Variants in CLIC5 observed in about 807,000 individuals in gnomAD.
CLIC5 encodes CLIC family member 5, also known as chloride intracellular channel protein 5.
A neutral mutation model predicts 24.7 loss-of-function variants in CLIC5; 20 were observed. The ratio of observed to expected loss-of-function variants is 0.81; its 90% CI spans 0.57 to 1.18. CLIC5 has a LOEUF of 1.18. Among genes scored for constraint, CLIC5 ranks in the 50% most tolerant of loss-of-function variants. The pLI, the probability that CLIC5 is intolerant of heterozygous loss-of-function variation, is 0.00. For synonymous variants in CLIC5, 159 were observed against 135.6 expected (o/e 1.17, Z -1.20); for missense variants, 341 against 326.1 (o/e 1.05, Z -0.35).
intron 1 of CLIC5, among the ~76,000 whole-genome samples, chr6:45,972,792 G>A (rs1330117176): frequency 3.9e-5 from 6 of 152,174 alleles, no homozygotes; most frequent in African/African-American, 7.2e-5. Context: ...CTTTAAAACC[G>A]ATGCATTGGG....
intron 1 of CLIC5, among the ~76,000 whole-genome samples, chr6:46,009,999 C>A (rs952896572): frequency 7.0e-4 from 107 of 152,246 alleles, no homozygotes; most frequent in African/African-American, 2.5e-3. Flanking sequence ...GCAGTCAGAT[C>A]CAGTGGTGGT....
chr6:45,982,366 T>A (rs1294901477), intron 1 of CLIC5, among the ~76,000 whole-genome samples: 1 of 152,140 alleles, frequency 6.6e-6, no homozygotes, highest in African/African-American at 2.4e-5. Context: ...CATGATATTA[T>A]AAATTTTTTT....
chr6:45,882,630 C>T (rs766522452), intron 6 of CLIC5, among the ~76,000 whole-genome samples: 5 of 152,200 alleles, frequency 3.3e-5, no homozygotes, highest in Non-Finnish European at 5.9e-5. Context: ...GTAAGATACG[C>T]ATGTGTTTTT....
chr6:46,080,950 C>T (rs953403610), upstream of CLIC5, among the ~76,000 whole-genome samples: 1 of 152,078 alleles, frequency 6.6e-6, no homozygotes, highest in Admixed American at 6.5e-5. Context: ...TATTTTTCCC[C>T]CTTAAATCTG....
At chr6:46,109,180 CAATT>C in the CLIC5 span, among the ~76,000 whole-genome samples, 1 of 152,038 alleles carries the variant, frequency 6.6e-6, no homozygotes, top group Admixed American at 6.6e-5. Flanking sequence ...CACCCATAGA[CAATT>C]ATTCTTTTAC....
At chr6:45,962,059 T>TACACACAC (rs1409942237) in intron 1 of CLIC5, among the ~76,000 whole-genome samples, 1 of 94,798 alleles carries the variant, frequency 1.1e-5, no homozygotes, top group South Asian at 3.6e-4. Context: ...CACATATATG[T>TACACACAC]ACATACACAC....
At chr6:45,936,161 G>T (rs1055721641) in intron 4 of CLIC5, among the ~76,000 whole-genome samples, 2 of 143,448 alleles carry the variant, frequency 1.4e-5, no homozygotes, top group East Asian at 4.1e-4. Context: ...AGGTACAATT[G>T]TCTACCCGAG....
chr6:46,086,623 T>C, the CLIC5 span, among the ~76,000 whole-genome samples: 1 of 152,198 alleles, frequency 6.6e-6, no homozygotes, highest in Admixed American at 6.5e-5. Flanking sequence ...AGGATGATAC[T>C]GAAAATGAGC....
At chr6:46,124,458 A>G in the CLIC5 span, among the ~76,000 whole-genome samples, 13 of 152,352 alleles carry the variant, frequency 8.5e-5, no homozygotes, top group Admixed American at 7.8e-4. Flanking sequence ...TGTTAGTCCT[A>G]AAACCATTGA....
At chr6:46,069,073 A>G (rs1193759933) in intron 1 of CLIC5, among the ~76,000 whole-genome samples, 1 of 152,144 alleles carries the variant, frequency 6.6e-6, no homozygotes, top group African/African-American at 2.4e-5. Flanking sequence ...CAGGAAGGAA[A>G]AGCATTGAAA....
chr6:46,017,404 A>G (rs1038650183), upstream of CLIC5, among the ~76,000 whole-genome samples: 1 of 152,264 alleles, frequency 6.6e-6, no homozygotes, highest in African/African-American at 2.4e-5. Flanking sequence ...ATTTACAAAT[A>G]GTATAATGAT....
At chr6:45,897,137 G>A (rs2127286984), downstream of CLIC5, among the ~76,000 whole-genome samples, 1 of 152,212 alleles carries the variant, frequency 6.6e-6, no homozygotes, top group East Asian at 1.9e-4. Context: ...TGTTGCCTTT[G>A]CCCTGAGGCT....
chr6:46,046,991 C>T (rs1211431283), intron 1 of CLIC5, among the ~76,000 whole-genome samples: 1 of 152,234 alleles, frequency 6.6e-6, no homozygotes, highest in Non-Finnish European at 1.5e-5. Flanking sequence ...CAAGACCTCT[C>T]ACTTTCACTG....
chr6:46,075,275 C>A (rs1457729368), intron 1 of CLIC5, among the ~76,000 whole-genome samples: 1 of 152,110 alleles, frequency 6.6e-6, no homozygotes, highest in Non-Finnish European at 1.5e-5. Flanking sequence ...GACTTCAAAA[C>A]CTGCTCTAGG....
intron 1 of CLIC5, among the ~76,000 whole-genome samples, chr6:45,971,350 A>G (rs1003797015): frequency 3.9e-5 from 6 of 152,204 alleles, no homozygotes; most frequent in African/African-American, 1.2e-4. Flanking sequence ...GAAGGTGCCG[A>G]ACAGGGTTGT....
At chr6:45,894,352 A>G (rs1302780995), downstream of CLIC5, among the ~76,000 whole-genome samples, 3 of 152,240 alleles carry the variant, frequency 2.0e-5, no homozygotes, top group Non-Finnish European at 2.9e-5. Context: ...AATCTATTCT[A>G]AGGGAAAAAT....
At chr6:46,012,417 A>C (rs1468541026) in intron 1 of CLIC5, among the ~76,000 whole-genome samples, 1 of 152,224 alleles carries the variant, frequency 6.6e-6, no homozygotes, top group East Asian at 1.9e-4. Context: ...GAAACTAAAA[A>C]TGTGGGGAAA....
At chr6:45,962,456 T>C in intron 1 of CLIC5, among the ~76,000 whole-genome samples, 1 of 147,312 alleles carries the variant, frequency 6.8e-6, no homozygotes, top group African/African-American at 2.5e-5. Context: ...TTACTCAAAG[T>C]TCACCAATTT....
intron 4 of CLIC5, among the ~76,000 whole-genome samples, chr6:45,924,165 A>C (rs1763385190): frequency 6.6e-6 from 1 of 152,234 alleles, no homozygotes; most frequent in African/African-American, 2.4e-5. Context: ...TCTGCTCAGT[A>C]AACATCGTGC....
Sources: allele counts gnomAD v4.1 joint callset (sites outside exome capture counted in the v4.1 genomes callset), GRCh38; gene constraint gnomAD v4.1.1; transcripts MANE v1.5; gene names NCBI Gene and HGNC (gene_info 2026-07-23, HGNC 2026-07-21).